Variants in PSD3 observed in about 807,000 individuals in gnomAD.
The protein encoded by PSD3 is PH and SEC7 domain-containing protein 3.
PSD3 carries 49 observed loss-of-function variants against 105.5 expected under a neutral mutation model. That is an observed-to-expected ratio of 0.46 (90% confidence interval 0.37 to 0.59). The LOEUF is 0.59. Ranked by LOEUF, PSD3 falls within the 20% of genes least tolerant of loss-of-function variation. The pLI, the probability that PSD3 is intolerant of heterozygous loss-of-function variation, is 0.00. For missense variants in PSD3, 1,561 were observed against 1,263.8 expected (o/e 1.24, Z -3.57); for synonymous variants, 557 against 457.8 (o/e 1.22, Z -2.77).
At chr8:19,034,843 C>T (rs972378650) in intron 1 of PSD3, among the ~76,000 whole-genome samples, 1 of 152,172 alleles carries the variant, frequency 6.6e-6, no homozygotes, top group African/African-American at 2.4e-5. Context: ...CTTCAAAGCC[C>T]TCCAGATACG....
chr8:18,831,411 A>G, intron 4 of PSD3, among the ~76,000 whole-genome samples: 1 of 152,292 alleles, frequency 6.6e-6, no homozygotes, highest in Admixed American at 6.5e-5. Flanking sequence ...CAGTTCTCCA[A>G]GGTCAACCCT....
intron 4 of PSD3, among the ~76,000 whole-genome samples, chr8:18,824,153 A>G (rs1262713965): frequency 6.6e-6 from 1 of 152,226 alleles, no homozygotes; most frequent in African/African-American, 2.4e-5. Flanking sequence ...AGCCTGGGTG[A>G]CAGACATGGC....
At chr8:18,815,830 T>C (rs919891534) in intron 4 of PSD3, among the ~76,000 whole-genome samples, 2 of 152,120 alleles carry the variant, frequency 1.3e-5, no homozygotes, top group Non-Finnish European at 2.9e-5. Flanking sequence ...CCTGACAACA[T>C]ATCCTCTCTA....
chr8:18,721,731 T>C (rs1045385220), intron 9 of PSD3, among the ~76,000 whole-genome samples: 4 of 152,224 alleles, frequency 2.6e-5, no homozygotes, highest in African/African-American at 9.6e-5. Context: ...CATTTGCTAG[T>C]GTAACTGTTT....
chr8:18,809,767 C>T (rs976383361), intron 4 of PSD3, among the ~76,000 whole-genome samples: 2 of 152,050 alleles, frequency 1.3e-5, no homozygotes, highest in African/African-American at 4.8e-5. Flanking sequence ...CTTGTTTCTG[C>T]GATTTTATTC....
At chr8:18,970,377 T>TCCCCCAATA (rs1273985207) in intron 1 of PSD3, among the ~76,000 whole-genome samples, 1 of 149,984 alleles carries the variant, frequency 6.7e-6, no homozygotes, top group Non-Finnish European at 1.5e-5. Flanking sequence ...CAACCTCATT[T>TCCCCCAATA]CCCCCAATAT....
intron 8 of PSD3, among the ~76,000 whole-genome samples, chr8:18,790,231 G>A (rs1450558865): frequency 6.6e-6 from 1 of 151,494 alleles, no homozygotes. Context: ...TTGGCAATAT[G>A]ATAGTAAATT....
intron 1 of PSD3, among the ~76,000 whole-genome samples, chr8:18,943,040 A>G (rs983285121): frequency 3.3e-5 from 5 of 152,204 alleles, no homozygotes; most frequent in African/African-American, 4.8e-5. Flanking sequence ...TCTAGCCAAA[A>G]ACAGCGATGT....
At chr8:19,015,084 G>C (rs976649668), upstream of PSD3, among the ~76,000 whole-genome samples, 2 of 152,158 alleles carry the variant, frequency 1.3e-5, no homozygotes, top group African/African-American at 2.4e-5. Context: ...AAGTCCCGCA[G>C]TTCCCAGGTG....
intron 12 of PSD3, among the ~76,000 whole-genome samples, chr8:18,587,894 T>C (rs2717745): frequency 0.93 from 141,774 of 152,218 alleles, 66,089 homozygotes; most frequent in South Asian, 0.98. Context: ...TGTAATCATA[T>C]AATTTACTTT....
chr8:19,039,467 G>C (rs944780307), intron 1 of PSD3, among the ~76,000 whole-genome samples: 2 of 152,128 alleles, frequency 1.3e-5, no homozygotes, highest in Non-Finnish European at 2.9e-5. Context: ...CTGACTCTTA[G>C]AGATGCTATG....
At chr8:18,981,296 C>T (rs892595002) in intron 1 of PSD3, among the ~76,000 whole-genome samples, 7 of 152,228 alleles carry the variant, frequency 4.6e-5, no homozygotes, top group Middle Eastern at 3.4e-3. Flanking sequence ...AGGTCACCCC[C>T]CAACACACAT....
intron 4 of PSD3, among the ~76,000 whole-genome samples, chr8:18,826,232 G>C (rs1209694830): frequency 1.3e-5 from 2 of 152,148 alleles, no homozygotes; most frequent in Non-Finnish European, 2.9e-5. Flanking sequence ...CAACACCAGA[G>C]GCTTCCCTGG....
intron 9 of PSD3, chr8:18,762,738 G>C: frequency 2.9e-6 from 1 of 342,254 alleles, no homozygotes; most frequent in Non-Finnish European, 5.4e-6. Flanking sequence ...TACAGTATAA[G>C]GCAAATTCAG....
intron 2 of PSD3, among the ~76,000 whole-genome samples, chr8:18,917,327 G>A (rs1055462190): frequency 6.6e-6 from 1 of 152,000 alleles, no homozygotes; most frequent in Non-Finnish European, 1.5e-5. Flanking sequence ...TCCATTTTTA[G>A]CTAGGCACAC....
chr8:18,980,451 G>A (rs1330637316), intron 1 of PSD3, among the ~76,000 whole-genome samples: 1 of 151,718 alleles, frequency 6.6e-6, no homozygotes, highest in East Asian at 1.9e-4. Context: ...TTGGTTGGTT[G>A]GTTCGTTGGT....
chr8:19,044,846 G>T (rs10087327), intron 1 of PSD3, among the ~76,000 whole-genome samples: 27,302 of 152,080 alleles, frequency 0.18, 3,874 homozygotes, highest in African/African-American at 0.4. Flanking sequence ...AAATGTGAAG[G>T]CTTAAGCATG....
chr8:19,001,632 G>T (rs2129474419), intron 1 of PSD3: 1 of 152,116 alleles, frequency 6.6e-6, no homozygotes, highest in African/African-American at 2.4e-5. Flanking sequence ...TGTACCCGAA[G>T]CATCGAATCT....
At chr8:18,827,176 G>A (rs1038543028) in intron 4 of PSD3, among the ~76,000 whole-genome samples, 1 of 152,174 alleles carries the variant, frequency 6.6e-6, no homozygotes, top group Non-Finnish European at 1.5e-5. Context: ...AGTCTAGAGA[G>A]TGAACACAAA....
Sources: allele counts gnomAD v4.1 joint callset (sites outside exome capture counted in the v4.1 genomes callset), GRCh38; gene constraint gnomAD v4.1.1; transcripts MANE v1.5; gene names NCBI Gene and HGNC (gene_info 2026-07-23, HGNC 2026-07-21).